Variants in VPS13D observed in about 807,000 individuals in gnomAD.
The protein encoded by VPS13D is intermembrane lipid transfer protein VPS13D.
Under a neutral mutation model 461.9 loss-of-function variants are expected in VPS13D, and 187 were observed. The ratio of observed to expected loss-of-function variants is 0.40; its 90% CI spans 0.36 to 0.46. The LOEUF (loss-of-function observed/expected upper bound fraction) is 0.46. VPS13D is among the 20% of genes least tolerant of loss of function. The probability of loss-of-function intolerance (pLI) is 0.60; values close to 1 mark genes in which losing one functional copy is unlikely to be tolerated. For missense variants in VPS13D, 4,711 were observed against 5,364.9 expected (o/e 0.88, Z 3.81); for synonymous variants, 1,951 against 1,986.3 (o/e 0.98, Z 0.47).
intron 60 of VPS13D, among the ~76,000 whole-genome samples, chr1:12,394,708 C>T (rs1033213300): frequency 1.4e-4 from 21 of 152,154 alleles, no homozygotes; most frequent in African/African-American, 4.8e-4. Context: ...CCCAGTCTCC[C>T]TAATCCTTTG....
At chr1:12,308,667 A>T (rs781423530) in intron 27 of VPS13D, 26 bp downstream of exon 27, 3 of 1,567,206 alleles carry the variant, frequency 1.9e-6, no homozygotes, top group East Asian at 4.5e-5. Context: ...TTTTTTTGAG[A>T]TGGAGTCTCG....
At position 12,276,407 on chromosome 1, in the gene VPS13D, T is replaced by C. The variant is rs1641613108; in HGVS notation, c.2819T>C (p.Leu940Ser). The change falls in exon 19 of 70, where the codon TTG becomes TCG. Residue 940 changes from leucine (L) to serine (S), a missense_variant. Leu to Ser is a moderately radical substitution (Grantham distance 145, BLOSUM62 -2). Coordinates refer to ENST00000620676, the MANE Select transcript of VPS13D (RefSeq NM_015378.4). This position sits in a 1 kb window ranked among gnomAD's most constrained non-coding sequence, Gnocchi z 4.5. ...SVMNLTQSIV[L>S]LEQHTREVLV... ...ATGAATTTAACCCAGAGCATTGTGT[T>C]GTTGGAGCAGCATACCCGCGAGGTT... is the stretch of plus-strand genomic sequence containing the variant. 6.2e-7 allele frequency: 1 copy of C among 1,614,146 alleles called. No homozygotes were observed.
intron 25 of VPS13D, among the ~76,000 whole-genome samples, chr1:12,304,060 G>C (rs1237477537): frequency 6.6e-6 from 1 of 152,190 alleles, no homozygotes; most frequent in Non-Finnish European, 1.5e-5. Flanking sequence ...GAGACATCTA[G>C]AAGGTACAAA....
intron 52 of VPS13D, among the ~76,000 whole-genome samples, chr1:12,366,155 TG>T (rs1426581612): frequency 6.6e-6 from 1 of 152,140 alleles, no homozygotes; most frequent in Non-Finnish European, 1.5e-5. Flanking sequence ...GTGATCCTCC[TG>T]CCCTGGCCTC....
At chr1:12,262,276 A>G (rs1557671379) in intron 13 of VPS13D, among the ~76,000 whole-genome samples, 196 bp downstream of exon 13, 1 of 152,178 alleles carries the variant, frequency 6.6e-6, no homozygotes. Context: ...TCATCAACTG[A>G]TCAGTACCTA....
At chr1:12,304,847 T>TCG in intron 26 of VPS13D, 119 bp downstream of exon 26, 1 of 991,542 alleles carries the variant, frequency 1.0e-6, no homozygotes, top group Non-Finnish European at 1.5e-6. Flanking sequence ...TAGCATTTCT[T>TCG]TAACGATGAT....
At chr1:12,453,780 T>C (rs1236089151) in intron 65 of VPS13D, 2 of 152,204 alleles carry the variant, frequency 1.3e-5, no homozygotes, top group Admixed American at 6.5e-5. Flanking sequence ...CAGCAGTACC[T>C]AAATCTGTCC....
chr1:12,245,118 T>C (rs982759915), intron 5 of VPS13D, among the ~76,000 whole-genome samples: 2 of 152,228 alleles, frequency 1.3e-5, no homozygotes, highest in Non-Finnish European at 2.9e-5. Flanking sequence ...GTGTATCTGG[T>C]GGCAATTTGA....
At chr1:12,266,024 A>G (rs758211194) in intron 13 of VPS13D, among the ~76,000 whole-genome samples, 2 of 152,126 alleles carry the variant, frequency 1.3e-5, no homozygotes, top group African/African-American at 4.8e-5. Context: ...TTAGTTGGTC[A>G]TGGTGACATG....
intron 65 of VPS13D, among the ~76,000 whole-genome samples, chr1:12,441,510 C>T (rs927936595): frequency 8.5e-5 from 13 of 152,270 alleles, no homozygotes; most frequent in Admixed American, 3.9e-4. Context: ...CAGAAAGCCA[C>T]GTGCAGAGGC....
At chr1:12,334,049 T>C (rs182273869) in intron 38 of VPS13D, among the ~76,000 whole-genome samples, 1 of 152,350 alleles carries the variant, frequency 6.6e-6, no homozygotes, top group Admixed American at 6.5e-5. Context: ...TACTTTATCT[T>C]TGAGCGATAA....
chr1:12,496,756 C>T (rs1248512886), intron 67 of VPS13D, among the ~76,000 whole-genome samples: 1 of 152,226 alleles, frequency 6.6e-6, no homozygotes, highest in African/African-American at 2.4e-5. Flanking sequence ...AAGACAACAT[C>T]AGCCTACCCT....
chr1:12,368,359 A>G lies in VPS13D; in HGVS notation c.10449-109A>G, dbSNP rs920405650. On this transcript the variant is annotated intron_variant, in intron 52 of 69. Transcript: ENST00000620676. ...CACAGTGGGCTGTAAGTTCAGTGGT[A>G]TTGACTGAGGCCCAAACAGTGTTGT... The G allele has an allele frequency of 1.1e-5, 15 of 1,346,552 alleles. No individual in the cohort carries two copies. In the African/African-American group the frequency reaches 1.8e-4, roughly 16 times the overall value. The allele number at this position is 1,346,552 out of a possible 1,614,324, so 83.4% of individuals were successfully genotyped here.
chr1:12,335,608 A>G, intron 38 of VPS13D, 97 bp from the exon 39 acceptor site: 1 of 1,453,036 alleles, frequency 6.9e-7, no homozygotes, highest in Non-Finnish European at 9.3e-7. Flanking sequence ...ATGTAATGAG[A>G]CACTCAATAA....
chr1:12,311,660 T>G, intron 28 of VPS13D, 35 bp downstream of exon 28: 2 of 1,610,828 alleles, frequency 1.2e-6, no homozygotes, highest in Non-Finnish European at 1.7e-6. Context: ...GTCACTCTCA[T>G]AGTCTCAGCT....
intron 67 of VPS13D, among the ~76,000 whole-genome samples, chr1:12,488,669 C>CA (rs79424685): frequency 0.017 from 1,388 of 82,728 alleles, 26 homozygotes; most frequent in African/African-American, 0.053. Flanking sequence ...TCATTTGAAC[C>CA]AAAAAAAAAA....
At chr1:12,365,546 A>G (rs1007286502) in intron 52 of VPS13D, among the ~76,000 whole-genome samples, 1 of 152,022 alleles carries the variant, frequency 6.6e-6, no homozygotes, top group Admixed American at 6.6e-5. Flanking sequence ...TCTACTGAAA[A>G]TACAAAAATT....
At chr1:12,356,178 C>T in intron 48 of VPS13D, 88 bp downstream of exon 48, 1 of 1,474,816 alleles carries the variant, frequency 6.8e-7, no homozygotes. Context: ...GGAGCCAATG[C>T]AAATAGATTA....
intron 65 of VPS13D, among the ~76,000 whole-genome samples, chr1:12,439,399 T>C (rs1387235359): frequency 6.6e-6 from 1 of 152,134 alleles, no homozygotes; most frequent in East Asian, 1.9e-4. Flanking sequence ...TATCCAAATG[T>C]CACTTTCTCA....
Sources: allele counts gnomAD v4.1 joint callset (sites outside exome capture counted in the v4.1 genomes callset), GRCh38; gene constraint gnomAD v4.1.1; non-coding constraint Gnocchi (gnomAD v3.1); transcripts MANE v1.5; gene names NCBI Gene and HGNC (gene_info 2026-07-23, HGNC 2026-07-21).